The following RHEB variants were observed in gnomAD, a reference collection of about 807,000 sequenced individuals.
The protein encoded by RHEB is GTP-binding protein Rheb.
A neutral mutation model predicts 28.8 loss-of-function variants in RHEB; 2 were observed. The ratio of observed to expected loss-of-function variants is 0.07; its 90% CI spans 0.03 to 0.22. The LOEUF (loss-of-function observed/expected upper bound fraction) is 0.22, where lower values mean the gene tolerates loss of function less well. Among genes scored for constraint, RHEB ranks in the 10% least tolerant of loss-of-function variants. The pLI is 1.00. For synonymous variants in RHEB, 69 were observed against 77.3 expected (o/e 0.89, Z 0.56); for missense variants, 76 against 219.9 (o/e 0.35, Z 4.14).
intron 3 of RHEB, among the ~76,000 whole-genome samples, chr7:151,479,562 A>C (rs901453095): frequency 1.3e-5 from 2 of 151,914 alleles, no homozygotes; most frequent in Non-Finnish European, 2.9e-5. Context: ...GGGCGCCTGT[A>C]GTCCCAGCTA....
chr7:151,511,789 T>C (rs1420687663), intron 1 of RHEB, among the ~76,000 whole-genome samples: 1 of 152,110 alleles, frequency 6.6e-6, no homozygotes, highest in Non-Finnish European at 1.5e-5. Flanking sequence ...TAGCTGGGAT[T>C]ACAGGCGCCC....
Position 151,468,556 on chromosome 7 carries a change from C to T in RHEB, c.463-1345G>A, listed in dbSNP as rs143403892. ...GGGCACTCCCCAGAGAAAGCATCCA[C>T]GCCTTGTCCCTTCTCCTCAAATGTT... On this transcript the variant is annotated intron_variant, in intron 7 of 7. Coordinates refer to ENST00000262187, the MANE Select transcript of RHEB (RefSeq NM_005614.4). This position sits in a 1 kb window ranked among gnomAD's most constrained non-coding sequence, Gnocchi z 4.3. Among the ~76,000 whole-genome samples the T allele has an allele frequency of 3.3e-5, 5 of 152,390 alleles. No homozygotes were observed. In the East Asian group the frequency reaches 7.7e-4, roughly 23 times the overall value.
chr7:151,470,681 G>T, intron 6 of RHEB, 29 bp from the exon 7 acceptor site: 2 of 1,464,892 alleles, frequency 1.4e-6, no homozygotes, highest in Non-Finnish European at 1.9e-6. Flanking sequence ...TCTAGTTAAA[G>T]TACTTTGCTC....
intron 3 of RHEB, among the ~76,000 whole-genome samples, chr7:151,480,203 C>T (rs1012629776): frequency 1.3e-5 from 2 of 152,068 alleles, no homozygotes; most frequent in South Asian, 2.1e-4. Context: ...TCTAAAACAA[C>T]GTCCGGGATG....
chr7:151,467,306 C>T, intron 7 of RHEB, 95 bp from the exon 8 acceptor site: 1 of 887,508 alleles, frequency 1.1e-6, no homozygotes, highest in Non-Finnish European at 1.8e-6. Flanking sequence ...CTGCCCTGCC[C>T]TCCTACTGGT....
At chr7:151,515,980 T>G (rs954233686) in intron 1 of RHEB, among the ~76,000 whole-genome samples, 7 of 152,348 alleles carry the variant, frequency 4.6e-5, no homozygotes, top group East Asian at 3.9e-4. Context: ...CAAAGCTCTC[T>G]GTACAGGTAA....
chr7:151,480,058 A>G (rs1802354965), intron 3 of RHEB, among the ~76,000 whole-genome samples: 1 of 152,234 alleles, frequency 6.6e-6, no homozygotes, highest in African/African-American at 2.4e-5. Context: ...TAAGTACCAA[A>G]ACGTTTGCTA....
intron 3 of RHEB, among the ~76,000 whole-genome samples, chr7:151,479,884 G>GA (rs1192826336): frequency 6.6e-6 from 1 of 151,458 alleles, no homozygotes; most frequent in African/African-American, 2.4e-5. Flanking sequence ...CCACCCAATA[G>GA]AAAAAAAATG....
At chr7:151,477,275 A>T in intron 4 of RHEB, 58 bp downstream of exon 4, 1 of 981,750 alleles carries the variant, frequency 1.0e-6, no homozygotes, top group Non-Finnish European at 1.6e-6. Flanking sequence ...AGTCCCTTAA[A>T]AGGATCAATG....
At position 151,500,420 on chromosome 7, in the gene RHEB, C is replaced by CA. The variant is rs369918457; in HGVS notation, c.53-9407dup. Among the ~76,000 whole-genome samples, 699 of 152,252 alleles carry CA rather than the reference C, an allele frequency of 4.6e-3. 5 individuals are homozygous for CA. The highest frequency in any genetic ancestry group is 0.041 in the Middle Eastern group (12 of 294). ...AGACAGTGTGGTACTGGCATAAGGA[C>CA]AGACACAGATTAATGGAAGAAAATG... On this transcript the variant is annotated intron_variant, in intron 1 of 7. Coordinates refer to ENST00000262187, the MANE Select transcript of RHEB (RefSeq NM_005614.4).
chr7:151,504,986 T>A (rs1802841344), intron 1 of RHEB, among the ~76,000 whole-genome samples: 1 of 146,848 alleles, frequency 6.8e-6, no homozygotes, highest in African/African-American at 2.5e-5. Flanking sequence ...AAAAACTAAC[T>A]AGAAATGGAT....
intron 2 of RHEB, among the ~76,000 whole-genome samples, chr7:151,486,384 G>C (rs1054703153): frequency 3.3e-5 from 5 of 152,114 alleles, no homozygotes; most frequent in African/African-American, 1.2e-4. Context: ...TGGGTGCTTG[G>C]GATGCTGTAG....
At chr7:151,478,413 T>A (rs926868072) in intron 3 of RHEB, among the ~76,000 whole-genome samples, 1 of 151,394 alleles carries the variant, frequency 6.6e-6, no homozygotes, top group African/African-American at 2.4e-5. Flanking sequence ...AAAGAAAAAT[T>A]AAGTTTTATT....
chr7:151,481,636 T>C (rs1802383138), intron 3 of RHEB, among the ~76,000 whole-genome samples: 1 of 152,198 alleles, frequency 6.6e-6, no homozygotes, highest in African/African-American at 2.4e-5. Flanking sequence ...GAGCTGTAAA[T>C]AAAGAGCACA....
intron 1 of RHEB, among the ~76,000 whole-genome samples, chr7:151,510,404 C>T (rs370404132): frequency 6.6e-6 from 1 of 152,212 alleles, no homozygotes; most frequent in Non-Finnish European, 1.5e-5. Context: ...ACTTTTTGTA[C>T]TTCAGTTTCC....
chr7:151,507,341 T>C (rs927227858), intron 1 of RHEB, among the ~76,000 whole-genome samples: 1 of 152,170 alleles, frequency 6.6e-6, no homozygotes, highest in Non-Finnish European at 1.5e-5. Flanking sequence ...TTGTTGCTTT[T>C]TCGAGAGGGA....
At position 151,487,505 on chromosome 7, in the gene RHEB, A is replaced by G. The variant is rs193154293; in HGVS notation, c.125-2701T>C. 5.8e-3 allele frequency among the ~76,000 whole-genome samples: 879 copies of G among 151,586 alleles called. 7 individuals carry two copies. Among genetic ancestry groups the G allele is most frequent in the African/African-American group, 0.02 (810 of 41,114 alleles). On this transcript the variant is annotated intron_variant, in intron 2 of 7. Coordinates refer to ENST00000262187, the MANE Select transcript of RHEB (RefSeq NM_005614.4). ...ATTCGGCCAAGAAGACTGAGATGTC[A>G]TTGTACATAGTGTATAAAAGAAAAA...
Position 151,512,296 on chromosome 7 carries a change from C to A in RHEB, c.52+7164G>T, listed in dbSNP as rs1296337417. Among the ~76,000 whole-genome samples the A allele has an allele frequency of 3.3e-5, 5 of 152,348 alleles. No homozygotes were observed. The East Asian group carries it at 9.6e-4, about 29-fold the overall frequency. ...AGCATTGTGCATCTCTGACCTTCCA[C>A]AATCACAGGTAGAGGTGGCAGTGTC... On this transcript the variant is annotated intron_variant, in intron 1 of 7. Coordinates refer to ENST00000262187, the MANE Select transcript of RHEB (RefSeq NM_005614.4).
intron 4 of RHEB, among the ~76,000 whole-genome samples, chr7:151,475,254 T>G (rs1802252543): frequency 6.6e-6 from 1 of 152,184 alleles, no homozygotes; most frequent in South Asian, 2.1e-4. Context: ...ATCTAATTTG[T>G]GCACACCAAA....
Sources: gnomAD v4.1 joint callset for allele counts (sites outside exome capture counted in the v4.1 genomes callset) on GRCh38, gnomAD v4.1.1 for gene constraint, Gnocchi (gnomAD v3.1) non-coding constraint, MANE v1.5 for transcripts, NCBI Gene and HGNC (gene_info 2026-07-23, HGNC 2026-07-21) for gene names.